CDK6: variants seen among roughly 807,000 people sequenced by gnomAD.
The protein encoded by CDK6 is cyclin-dependent kinase 6.
CDK6 carries 6 observed loss-of-function variants against 37.1 expected under a neutral mutation model. That is an observed-to-expected ratio of 0.16 (90% CI 0.09 to 0.32). CDK6 has a LOEUF of 0.32. Ranked by LOEUF, CDK6 falls within the 10% of genes least tolerant of loss-of-function variation. The probability of loss-of-function intolerance (pLI) is 1.00; values close to 1 mark genes in which losing one functional copy is unlikely to be tolerated. For synonymous variants in CDK6, 160 were observed against 161.3 expected (o/e 0.99, Z 0.06); for missense variants, 224 against 418.9 (o/e 0.53, Z 4.06).
intron 2 of CDK6, among the ~76,000 whole-genome samples, chr7:92,783,158 G>T (rs953267588): frequency 4.6e-5 from 7 of 152,198 alleles, no homozygotes; most frequent in African/African-American, 1.7e-4. Flanking sequence ...GAAGAAGACA[G>T]ATGGACAAGT....
At chr7:92,779,738 C>T (rs1799939549) in intron 2 of CDK6, among the ~76,000 whole-genome samples, 1 of 152,142 alleles carries the variant, frequency 6.6e-6, no homozygotes, top group Admixed American at 6.5e-5. Flanking sequence ...GAAATTTTGT[C>T]TGACTTAAAT....
chr7:92,687,130 C>T (rs1351314724), intron 4 of CDK6, among the ~76,000 whole-genome samples: 2 of 152,198 alleles, frequency 1.3e-5, no homozygotes, highest in Admixed American at 6.5e-5. Flanking sequence ...AGCAGGGCCT[C>T]GTGATACCCT....
At chr7:92,810,794 C>T (rs936368989) in intron 2 of CDK6, among the ~76,000 whole-genome samples, 2 of 152,028 alleles carry the variant, frequency 1.3e-5, no homozygotes, top group South Asian at 2.1e-4. Context: ...AATTATAGGC[C>T]GGGTGCAGTG....
At chr7:92,640,518 G>C (rs1585359458) in intron 5 of CDK6, among the ~76,000 whole-genome samples, 1 of 152,252 alleles carries the variant, frequency 6.6e-6, no homozygotes, top group East Asian at 1.9e-4. Context: ...CATTTTCTAT[G>C]ACTGAAGGCT....
At chr7:92,627,449 C>G (rs1795952737) in intron 5 of CDK6, among the ~76,000 whole-genome samples, 1 of 152,008 alleles carries the variant, frequency 6.6e-6, no homozygotes. Flanking sequence ...AAGAGAGACC[C>G]TGGAAGGCTC....
At chr7:92,683,568 A>T (rs1181435112) in intron 4 of CDK6, among the ~76,000 whole-genome samples, 1 of 152,232 alleles carries the variant, frequency 6.6e-6, no homozygotes, top group Non-Finnish European at 1.5e-5. Context: ...CATTCAGCTC[A>T]TTCTGCAGTA....
intron 2 of CDK6, among the ~76,000 whole-genome samples, chr7:92,812,895 A>T (rs1800922809): frequency 6.6e-6 from 1 of 152,222 alleles, no homozygotes; most frequent in South Asian, 2.1e-4. Context: ...CACAATCACC[A>T]GAATTTATTT....
intron 3 of CDK6, among the ~76,000 whole-genome samples, chr7:92,756,257 G>A (rs1156501326): frequency 1.3e-5 from 2 of 152,074 alleles, no homozygotes; most frequent in African/African-American, 4.8e-5. Flanking sequence ...GGGGAAAGGT[G>A]TAATGGGAAA....
At chr7:92,663,688 G>A (rs1330964379) in intron 5 of CDK6, among the ~76,000 whole-genome samples, 1 of 150,424 alleles carries the variant, frequency 6.6e-6, no homozygotes, top group Non-Finnish European at 1.5e-5. Flanking sequence ...GCAACAGAGC[G>A]AGACTCTGTC....
At chr7:92,766,204 C>T (rs1799575947) in intron 3 of CDK6, among the ~76,000 whole-genome samples, 1 of 151,994 alleles carries the variant, frequency 6.6e-6, no homozygotes, top group Non-Finnish European at 1.5e-5. Context: ...GAGGATGGTC[C>T]ATAAAGGGGC....
At chr7:92,742,054 A>C (rs1490438409) in intron 3 of CDK6, among the ~76,000 whole-genome samples, 1 of 152,192 alleles carries the variant, frequency 6.6e-6, no homozygotes, top group African/African-American at 2.4e-5. Flanking sequence ...AAAATGAACC[A>C]TTTTAGAGAC....
chr7:92,612,701 G>A lies in CDK6; in HGVS notation c.*2439C>T. ...TCAAAAGCAGATGCTAGGAATAAAAGTTGAGCTCTCTACTCATTTAAAATT... is the reference window on the plus strand; with the variant it reads ...TCAAAAGCAGATGCTAGGAATAAAAATTGAGCTCTCTACTCATTTAAAATT... On this transcript the variant is annotated 3_prime_UTR_variant, in exon 8 of 8. Transcript: ENST00000424848. The A allele has an allele frequency of 4.3e-6, 1 of 233,138 alleles. No individual in the cohort carries two copies. The highest frequency in any genetic ancestry group is 6.0e-5 in the East Asian group (1 of 16,534). The allele number at this position is 233,138 out of a possible 1,614,324, so 14.4% of individuals were successfully genotyped here.
intron 5 of CDK6, among the ~76,000 whole-genome samples, chr7:92,666,655 G>T (rs1234619992): frequency 6.6e-6 from 1 of 152,144 alleles, no homozygotes; most frequent in African/African-American, 2.4e-5. Flanking sequence ...TAATGAAGCT[G>T]AATGATTCCT....
intron 4 of CDK6, among the ~76,000 whole-genome samples, chr7:92,678,400 G>C (rs962940233): frequency 3.3e-5 from 5 of 152,096 alleles, no homozygotes; most frequent in Admixed American, 3.3e-4. Context: ...GCCTCTAGAG[G>C]TGCTGAATGG....
chr7:92,640,159 G>A (rs1286851839), intron 5 of CDK6, among the ~76,000 whole-genome samples: 1 of 152,136 alleles, frequency 6.6e-6, no homozygotes. Context: ...GCTGCCCATG[G>A]AACGTATATG....
chr7:92,725,166 T>C (rs1798481333), intron 4 of CDK6: 2 of 985,296 alleles, frequency 2.0e-6, no homozygotes, highest in Non-Finnish European at 1.2e-6. Context: ...TTTGATTTCT[T>C]CTTTACAGCT....
At chr7:92,824,141 AG>A (rs1444873855) in intron 2 of CDK6, among the ~76,000 whole-genome samples, 1 of 151,892 alleles carries the variant, frequency 6.6e-6, no homozygotes, top group African/African-American at 2.4e-5. Flanking sequence ...AAGGAAGCAA[AG>A]GAAAAAAAAA....
intron 3 of CDK6, among the ~76,000 whole-genome samples, chr7:92,770,834 A>C (rs532609347): frequency 2.6e-5 from 4 of 152,204 alleles, no homozygotes; most frequent in African/African-American, 4.8e-5. Context: ...AAACAGTGCC[A>C]CAGAAAACAC....
chr7:92,725,882 T>C (rs981317238), intron 3 of CDK6, 89 bp from the exon 4 acceptor site: 15 of 1,202,146 alleles, frequency 1.2e-5, no homozygotes, highest in Non-Finnish European at 1.8e-5. Flanking sequence ...TAGCATTTTG[T>C]GGCTGCTTGG....
Sources: allele counts gnomAD v4.1 joint callset (sites outside exome capture counted in the v4.1 genomes callset), GRCh38; gene constraint gnomAD v4.1.1; transcripts MANE v1.5; gene names NCBI Gene and HGNC (gene_info 2026-07-23, HGNC 2026-07-21).